The following CADM2 variants were observed in gnomAD, a reference collection of about 807,000 sequenced individuals.
CADM2 encodes the protein cell adhesion molecule 2.
CADM2 carries 12 observed loss-of-function variants against 49.8 expected under a neutral mutation model. The observed-to-expected ratio is 0.24, with a 90% CI of 0.15 to 0.39. The LOEUF (loss-of-function observed/expected upper bound fraction) is 0.39. Among genes scored for constraint, CADM2 ranks in the 10% least tolerant of loss-of-function variants. CADM2 has a pLI of 1.00. For synonymous variants in CADM2, 214 were observed against 175.4 expected, an observed-to-expected ratio of 1.22 and a Z score of -1.74; for missense variants, 378 against 492.3, an observed-to-expected ratio of 0.77 and a Z score of 2.20.
intron 7 of CADM2, among the ~76,000 whole-genome samples, chr3:85,956,551 T>C (rs1176523248): frequency 6.6e-6 from 1 of 151,614 alleles, no homozygotes; most frequent in Non-Finnish European, 1.5e-5. Context: ...GAGACTAGGA[T>C]CAAGAATTCT....
chr3:85,206,329 A>G (rs1291134763), intron 1 of CADM2, among the ~76,000 whole-genome samples: 4 of 132,684 alleles, frequency 3.0e-5, no homozygotes, highest in South Asian at 2.4e-4. Context: ...TTTTTTTGAG[A>G]TGGAGTCTTG....
chr3:85,032,432 T>C (rs2107330167), intron 1 of CADM2, among the ~76,000 whole-genome samples: 1 of 152,242 alleles, frequency 6.6e-6, no homozygotes, highest in Admixed American at 6.5e-5. Context: ...AAGAGACAAA[T>C]TTACCACTAA....
At chr3:85,010,951 C>A (rs371420200) in intron 1 of CADM2, among the ~76,000 whole-genome samples, 1 of 145,770 alleles carries the variant, frequency 6.9e-6, no homozygotes. Flanking sequence ...GCAAGCTCCA[C>A]CTCCCGGGTT....
intron 1 of CADM2, among the ~76,000 whole-genome samples, chr3:85,146,689 C>A (rs2039754313): frequency 6.6e-6 from 1 of 152,054 alleles, no homozygotes; most frequent in South Asian, 2.1e-4. Context: ...TTCCAAATAT[C>A]ACTTTTGTGG....
chr3:85,624,893 G>A (rs2064080057), intron 1 of CADM2, among the ~76,000 whole-genome samples: 1 of 152,078 alleles, frequency 6.6e-6, no homozygotes, highest in Non-Finnish European at 1.5e-5. Context: ...AGATCATGGA[G>A]ATTTAATTCA....
intron 6 of CADM2, among the ~76,000 whole-genome samples, chr3:85,913,572 C>A (rs1457787078): frequency 6.6e-6 from 1 of 152,018 alleles, no homozygotes; most frequent in African/African-American, 2.4e-5. Flanking sequence ...ATGTAATAGG[C>A]ATTGTTTTGG....
At chr3:85,242,483 A>G (rs909990649) in intron 1 of CADM2, among the ~76,000 whole-genome samples, 1 of 151,656 alleles carries the variant, frequency 6.6e-6, no homozygotes, top group African/African-American at 2.4e-5. Context: ...CTGACCATAT[A>G]TTATCACATA....
chr3:85,872,892 A>G (rs2075982637), intron 3 of CADM2, among the ~76,000 whole-genome samples: 1 of 152,076 alleles, frequency 6.6e-6, no homozygotes. Flanking sequence ...ATCAATTTGA[A>G]TGTCATGAAT....
chr3:85,750,838 A>G (rs1028364299), intron 2 of CADM2, among the ~76,000 whole-genome samples: 1 of 152,082 alleles, frequency 6.6e-6, no homozygotes, highest in African/African-American at 2.4e-5. Flanking sequence ...ATGTAATTTC[A>G]TATGTGACAC....
chr3:85,943,445 C>T (rs1189612312), intron 7 of CADM2, among the ~76,000 whole-genome samples: 1 of 147,626 alleles, frequency 6.8e-6, no homozygotes, highest in Non-Finnish European at 1.5e-5. Context: ...CCTAGGTTTT[C>T]TTCTAGGGTT....
At chr3:86,043,452 T>C (rs1736220898) in intron 8 of CADM2, among the ~76,000 whole-genome samples, 1 of 152,198 alleles carries the variant, frequency 6.6e-6, no homozygotes, top group African/African-American at 2.4e-5. Context: ...AGCCAAATCA[T>C]GAGTGAACTC....
chr3:85,899,778 T>A (rs976394093), intron 5 of CADM2, among the ~76,000 whole-genome samples: 7 of 152,192 alleles, frequency 4.6e-5, no homozygotes, highest in African/African-American at 1.7e-4. Flanking sequence ...TGGCTGATGG[T>A]AATAGGCACC....
chr3:85,620,800 C>T (rs1447511456), intron 1 of CADM2, among the ~76,000 whole-genome samples: 1 of 152,048 alleles, frequency 6.6e-6, no homozygotes, highest in Non-Finnish European at 1.5e-5. Flanking sequence ...TCTAGTCCTA[C>T]CTCTTCCCAA....
chr3:85,851,155 A>T (rs1259524306), intron 3 of CADM2, among the ~76,000 whole-genome samples: 1 of 152,204 alleles, frequency 6.6e-6, no homozygotes, highest in African/African-American at 2.4e-5. Flanking sequence ...AGTTTAAAAT[A>T]AACATATGCT....
chr3:86,033,797 T>C (rs1734835031), intron 8 of CADM2, among the ~76,000 whole-genome samples: 1 of 146,834 alleles, frequency 6.8e-6, no homozygotes, highest in Admixed American at 6.9e-5. Context: ...ATACTGCATA[T>C]AGTATATATA....
chr3:85,214,762 C>T (rs756093363), intron 1 of CADM2, among the ~76,000 whole-genome samples: 4 of 152,054 alleles, frequency 2.6e-5, no homozygotes, highest in Non-Finnish European at 4.4e-5. Context: ...CAAGTACTGC[C>T]TGGCTACCAC....
At chr3:85,862,341 C>T (rs1244683590) in intron 3 of CADM2, among the ~76,000 whole-genome samples, 1 of 152,098 alleles carries the variant, frequency 6.6e-6, no homozygotes, top group East Asian at 1.9e-4. Flanking sequence ...AGTAGAATCT[C>T]TCTAACTAGA....
chr3:85,762,269 C>A (rs778665010), intron 2 of CADM2, among the ~76,000 whole-genome samples: 1 of 152,110 alleles, frequency 6.6e-6, no homozygotes, highest in Non-Finnish European at 1.5e-5. Context: ...AGACTCTTTG[C>A]CGTGTGTACC....
intron 1 of CADM2, among the ~76,000 whole-genome samples, chr3:85,469,452 C>T (rs1485192648): frequency 1.3e-5 from 2 of 151,976 alleles, no homozygotes; most frequent in African/African-American, 4.8e-5. Context: ...GGAATGGCCT[C>T]CAAATGGACC....
Sources: gnomAD v4.1 joint callset for allele counts (sites outside exome capture counted in the v4.1 genomes callset) on GRCh38, gnomAD v4.1.1 for gene constraint, MANE v1.5 for transcripts, NCBI Gene and HGNC (gene_info 2026-07-23, HGNC 2026-07-21) for gene names.